CD82: variants seen among roughly 807,000 people sequenced by gnomAD.
CD82 encodes CD82 molecule, also known as CD82 antigen.
In CD82, 36 loss-of-function variants were observed where a neutral mutation model predicts 37.4. The observed-to-expected ratio is 0.96, with a 90% CI of 0.74 to 1.27. The LOEUF (loss-of-function observed/expected upper bound fraction) is 1.27. Among genes scored for constraint, CD82 ranks in the 50% most tolerant of loss-of-function variants. CD82 has a pLI of 0.00. For missense variants in CD82, 340 were observed against 347.0 expected, an observed-to-expected ratio of 0.98 and a Z score of 0.16; for synonymous variants, 158 against 137.4, an observed-to-expected ratio of 1.15 and a Z score of -1.05.
At chr11:44,618,869 G>A (rs1565097378) in intron 9 of CD82, 146 bp downstream of exon 9, 1 of 846,778 alleles carries the variant, frequency 1.2e-6, no homozygotes, top group Non-Finnish European at 1.9e-6. Flanking sequence ...CTGTCTGGCT[G>A]TGTGACCTCA....
chr11:44,608,515 T>C (rs79264361), intron 6 of CD82, among the ~76,000 whole-genome samples: 2,452 of 152,328 alleles, frequency 0.016, 76 homozygotes, highest in African/African-American at 0.057. Context: ...TCCAAGGGTC[T>C]TGACTGTGGA....
In CD82 at chr11:44,576,963, G is replaced by T. The variant is rs182228818; in HGVS notation, c.-102-10512G>T. Among the ~76,000 whole-genome samples the T allele has an allele frequency of 2.1e-3, 324 of 152,134 alleles. 2 individuals are homozygous for T. Among genetic ancestry groups the T allele is most frequent in the African/African-American group, 7.3e-3 (303 of 41,508 alleles). On this transcript the variant is annotated intron_variant, in intron 1 of 9. Coordinates refer to ENST00000227155, the MANE Select transcript of CD82 (RefSeq NM_002231.4). Reference sequence around the variant, plus strand: ...CCATCTTGAGCCCAGCCCCTAAGACGGGAGAACTCTTTCTCTCTATTCTCA... The same window carrying T: ...CCATCTTGAGCCCAGCCCCTAAGACTGGAGAACTCTTTCTCTCTATTCTCA...
At chr11:44,609,948 A>G (rs1028306711) in intron 6 of CD82, among the ~76,000 whole-genome samples, 1 of 152,176 alleles carries the variant, frequency 6.6e-6, no homozygotes, top group Non-Finnish European at 1.5e-5. Context: ...CTGGACTTGC[A>G]GAAAAGATGC....
chr11:44,566,563 C>T (rs1463770615), intron 1 of CD82, among the ~76,000 whole-genome samples: 1 of 152,194 alleles, frequency 6.6e-6, no homozygotes, highest in Non-Finnish European at 1.5e-5. Flanking sequence ...GTGGTCAAGG[C>T]TTGGGCTTTG....
rs2303863 is a variant in CD82, at chr11:44,618,371, C to T, written c.642+6C>T. The T allele has an allele frequency of 0.54, 873,763 of 1,609,806 alleles. 243,486 individuals carry two copies. Among genetic ancestry groups the T allele is most frequent in the Admixed American group, 0.64 (38,539 of 59,868 alleles). ...ACTGGCCTGTGTACCAGGAGGTGTG[C>T]GGGGGGCTGCGGATCGGGGGCGGGG... is the stretch of plus-strand genomic sequence containing the variant. On this transcript the variant is annotated splice_donor_region_variant and intron_variant, in intron 8 of 9. Transcript: ENST00000227155.
chr11:44,616,377 A>G (rs769707864), intron 7 of CD82, among the ~76,000 whole-genome samples: 72 of 152,168 alleles, frequency 4.7e-4, no homozygotes, highest in Middle Eastern at 3.2e-3. Context: ...AGTTTGACCC[A>G]CAATTGCTGA....
chr11:44,605,151 C>G lies in CD82; in HGVS notation c.230C>G (p.Ala77Gly). 6.8e-6 allele frequency: 11 copies of G among 1,614,182 alleles called. No individual in the cohort carries two copies. The highest frequency in any genetic ancestry group is 8.5e-6 in the Non-Finnish European group (10 of 1,180,028). Reference sequence around the variant, plus strand: ...ATGGGCTTCCTGGGCTGCATCGGCGCCGTCAACGAGGTCCGCTGCCTGCTG... The same window carrying G: ...ATGGGCTTCCTGGGCTGCATCGGCGGCGTCAACGAGGTCCGCTGCCTGCTG... ...MLMGFLGCIG[A>G]VNEVRCLLGL... Residue 77 changes from alanine to glycine, a missense_variant, in exon 5 of 10, where the codon GCC becomes GGC. By Grantham distance (60) the Ala-to-Gly change is moderately conservative. Transcript: ENST00000227155.
intron 2 of CD82, among the ~76,000 whole-genome samples, chr11:44,590,484 G>A (rs369856089): frequency 5.3e-5 from 8 of 151,200 alleles, no homozygotes; most frequent in South Asian, 4.2e-4. Context: ...GGTGGCGGGC[G>A]CCTGTAGTCC....
At chr11:44,602,418 TG>T (rs1266056840) in intron 4 of CD82, among the ~76,000 whole-genome samples, 1 of 152,210 alleles carries the variant, frequency 6.6e-6, no homozygotes, top group Non-Finnish European at 1.5e-5. Flanking sequence ...GAAAAGAGTT[TG>T]GGACAGCCCC....
intron 1 of CD82, among the ~76,000 whole-genome samples, chr11:44,568,689 G>A (rs1852772306): frequency 6.6e-6 from 1 of 152,192 alleles, no homozygotes; most frequent in African/African-American, 2.4e-5. Flanking sequence ...GCTTCCCTGG[G>A]CTCCTCTGAA....
At chr11:44,567,199 G>A (rs927669000) in intron 1 of CD82, among the ~76,000 whole-genome samples, 2 of 152,170 alleles carry the variant, frequency 1.3e-5, no homozygotes, top group South Asian at 2.1e-4. Context: ...CTTGGCTTGG[G>A]ATGGGGGCGA....
intron 1 of CD82, among the ~76,000 whole-genome samples, chr11:44,579,418 G>A (rs1425263898): frequency 6.6e-6 from 1 of 152,036 alleles, no homozygotes; most frequent in Non-Finnish European, 1.5e-5. Flanking sequence ...TTCCAGGCCG[G>A]CCTCACCGCA....
chr11:44,617,680 G>A (rs146163839), intron 7 of CD82, among the ~76,000 whole-genome samples: 9 of 152,018 alleles, frequency 5.9e-5, no homozygotes, highest in Admixed American at 4.6e-4. Flanking sequence ...AAAGTTGAAC[G>A]GCCTTTCCTA....
chr11:44,588,411 A>G (rs1853092287), intron 2 of CD82, among the ~76,000 whole-genome samples: 1 of 151,992 alleles, frequency 6.6e-6, no homozygotes, highest in African/African-American at 2.4e-5. Flanking sequence ...TTTAATAGAG[A>G]TGGGGTTTCA....
intron 6 of CD82, 123 bp from the exon 7 acceptor site, chr11:44,615,149 G>A (rs1853542912): frequency 3.0e-6 from 2 of 670,400 alleles, no homozygotes; most frequent in East Asian, 2.7e-5. Flanking sequence ...GAAAGTGGCT[G>A]GAGCCATGAG....
chr11:44,592,330 T>A (rs2134651393), intron 2 of CD82, among the ~76,000 whole-genome samples: 1 of 152,348 alleles, frequency 6.6e-6, no homozygotes, highest in South Asian at 2.1e-4. Context: ...GACGCATAGT[T>A]TGTTGGCGGA....
chr11:44,565,220 G>T (rs1453084469), upstream of CD82, among the ~76,000 whole-genome samples: 1 of 152,106 alleles, frequency 6.6e-6, no homozygotes, highest in African/African-American at 2.4e-5. Flanking sequence ...GAGGGGCGTG[G>T]CCTCACCCTA....
At chr11:44,599,199 A>G (rs1853272368) in intron 3 of CD82, among the ~76,000 whole-genome samples, 4 of 152,160 alleles carry the variant, frequency 2.6e-5, no homozygotes, top group Admixed American at 2.6e-4. Flanking sequence ...CACCCAGGTC[A>G]TGTCATGAAC....
At position 44,605,041 on chromosome 11, in the gene CD82, C is replaced by T; in HGVS notation, c.137-17C>T. The T allele has an allele frequency of 6.2e-7, 1 of 1,614,156 alleles. No homozygotes were observed. Among genetic ancestry groups the T allele is most frequent in the South Asian group, 1.1e-5 (1 of 91,076 alleles). On this transcript the variant is annotated splice_polypyrimidine_tract_variant and intron_variant, in intron 4 of 9. Coordinates refer to ENST00000227155, the MANE Select transcript of CD82 (RefSeq NM_002231.4). ...ACCTGCTGTGCCCACTGATTTTGTA[C>T]TTCTTCTTCCCCCTAGAAACCTCCT... is the stretch of plus-strand genomic sequence containing the variant.
Sources: gnomAD v4.1 joint callset for allele counts (sites outside exome capture counted in the v4.1 genomes callset) on GRCh38, gnomAD v4.1.1 for gene constraint, MANE v1.5 for transcripts, NCBI Gene and HGNC (gene_info 2026-07-23, HGNC 2026-07-21) for gene names.